The following MARCHF6 variants were observed in gnomAD, a reference collection of about 807,000 sequenced individuals.
MARCHF6 encodes membrane associated ring-CH-type finger 6.
Under a neutral mutation model 133.7 loss-of-function variants are expected in MARCHF6, and 31 were observed. The ratio of observed to expected loss-of-function variants is 0.23; its 90% CI spans 0.17 to 0.31. The LOEUF (loss-of-function observed/expected upper bound fraction) is 0.31, where lower values mean the gene tolerates loss of function less well. MARCHF6 is among the 10% of genes least tolerant of loss of function. MARCHF6 has a pLI of 1.00. For synonymous variants in MARCHF6, 395 were observed against 402.5 expected (o/e 0.98, Z 0.22); for missense variants, 723 against 1,121.6 (o/e 0.64, Z 5.08).
chr5:10,398,869 A>G (rs1281186586), intron 10 of MARCHF6, among the ~76,000 whole-genome samples: 1 of 152,320 alleles, frequency 6.6e-6, no homozygotes, highest in East Asian at 1.9e-4. Flanking sequence ...TCCATTAGGA[A>G]CATACTTTTT....
chr5:10,387,104 T>C (rs1400302898), intron 5 of MARCHF6, 38 bp downstream of exon 5: 2 of 1,429,768 alleles, frequency 1.4e-6, no homozygotes, highest in Non-Finnish European at 1.9e-6. Context: ...TTGCATGATG[T>C]AGATGATGCT....
chr5:10,390,629 C>A, intron 6 of MARCHF6, 129 bp downstream of exon 6: 5 of 902,304 alleles, frequency 5.5e-6, no homozygotes, highest in Non-Finnish European at 8.1e-6. Context: ...AGGAGGGCAG[C>A]GGAAAGGTTT....
At chr5:10,375,421 G>A (rs544021039) in intron 1 of MARCHF6, among the ~76,000 whole-genome samples, 8 of 152,352 alleles carry the variant, frequency 5.3e-5, no homozygotes, top group African/African-American at 1.2e-4. Flanking sequence ...CCTGCAGCCC[G>A]CCATGCCTGA....
At chr5:10,423,946 C>A in intron 23 of MARCHF6, 122 bp downstream of exon 23, 1 of 526,836 alleles carries the variant, frequency 1.9e-6, no homozygotes. Context: ...TTTTGATGGG[C>A]ATATATAACC....
intron 18 of MARCHF6, among the ~76,000 whole-genome samples, chr5:10,411,049 A>G (rs1053218713): frequency 3.3e-5 from 5 of 152,206 alleles, no homozygotes; most frequent in Middle Eastern, 3.4e-3. Context: ...TATCTTGTAC[A>G]TTGTACTTTT....
intron 11 of MARCHF6, chr5:10,401,338 C>G (rs1397576201): frequency 2.6e-5 from 4 of 154,260 alleles, no homozygotes; most frequent in African/African-American, 9.7e-5. Context: ...GGCCCTAGAA[C>G]AATTTAGTCT....
At chr5:10,377,952 A>G (rs1015957652) in intron 2 of MARCHF6, 58 bp downstream of exon 2, 13 of 914,750 alleles carry the variant, frequency 1.4e-5, no homozygotes, top group African/African-American at 3.3e-5. Flanking sequence ...TCATGTATAC[A>G]GTAACAGGGA....
intron 6 of MARCHF6, among the ~76,000 whole-genome samples, chr5:10,390,725 G>GT (rs1421546980): frequency 1.3e-5 from 2 of 152,204 alleles, no homozygotes; most frequent in African/African-American, 4.8e-5. Context: ...TGGGAACAGC[G>GT]TTGGGGGGTA....
intron 1 of MARCHF6, among the ~76,000 whole-genome samples, chr5:10,375,476 C>T (rs529681624): frequency 2.6e-5 from 4 of 152,266 alleles, no homozygotes; most frequent in South Asian, 2.1e-4. Flanking sequence ...CGAGCCTCCC[C>T]GACGAGCACC....
intron 1 of MARCHF6, among the ~76,000 whole-genome samples, chr5:10,362,725 C>T (rs1735901615): frequency 6.6e-6 from 1 of 152,126 alleles, no homozygotes; most frequent in African/African-American, 2.4e-5. Context: ...TGAATATTTT[C>T]AGATGTTTGT....
At chr5:10,411,922 A>T (rs895212252) in intron 19 of MARCHF6, among the ~76,000 whole-genome samples, 11 of 152,332 alleles carry the variant, frequency 7.2e-5, no homozygotes, top group African/African-American at 2.6e-4. Flanking sequence ...AACTGAAGGC[A>T]ATATTGGTTA....
At chr5:10,366,106 T>C (rs1292768472) in intron 1 of MARCHF6, among the ~76,000 whole-genome samples, 3 of 152,142 alleles carry the variant, frequency 2.0e-5, no homozygotes, top group African/African-American at 7.2e-5. Flanking sequence ...CTAGTTTTTG[T>C]ATTTTTAGTA....
intron 25 of MARCHF6, 61 bp from the exon 26 acceptor site, chr5:10,433,533 T>A: frequency 8.0e-7 from 1 of 1,257,842 alleles, no homozygotes; most frequent in Non-Finnish European, 1.2e-6. Context: ...TAAAAAGACA[T>A]ATGAATGTTT....
intron 23 of MARCHF6, among the ~76,000 whole-genome samples, chr5:10,425,501 G>T (rs1417176749): frequency 1.3e-5 from 2 of 152,218 alleles, no homozygotes; most frequent in African/African-American, 2.4e-5. Context: ...TAAGAAAAAT[G>T]GTTGGAAATG....
chr5:10,397,667 CTCT>C (rs1738274903), intron 10 of MARCHF6, among the ~76,000 whole-genome samples: 1 of 152,046 alleles, frequency 6.6e-6, no homozygotes, highest in African/African-American at 2.4e-5. Context: ...ATTGTGTGTG[CTCT>C]TCCCTATGGT....
intron 19 of MARCHF6, among the ~76,000 whole-genome samples, chr5:10,412,827 G>A (rs1579602735): frequency 6.6e-6 from 1 of 152,100 alleles, no homozygotes; most frequent in Non-Finnish European, 1.5e-5. Flanking sequence ...TGCCTGCCTC[G>A]GCCTCCCAAA....
At chr5:10,390,947 A>G (rs779071110) in intron 6 of MARCHF6, among the ~76,000 whole-genome samples, 6 of 152,184 alleles carry the variant, frequency 3.9e-5, no homozygotes, top group Admixed American at 2.0e-4. Context: ...ACCATTTTCT[A>G]TAATGCTTTG....
At position 10,377,822 on chromosome 5, in the gene MARCHF6, A is replaced by G; in HGVS notation, c.44A>G (p.Glu15Gly). The change falls in exon 2 of 26, where the codon GAA becomes GGA. Residue 15 changes from glutamate (E) to glycine (G), a missense_variant. By Grantham distance (98) the Glu-to-Gly change is moderately conservative (BLOSUM62 -2). Coordinates refer to ENST00000274140, the MANE Select transcript of MARCHF6 (RefSeq NM_005885.4). The stretch of plus-strand genomic sequence containing the variant: ...GACATATGTAGAGTGTGTCGGTCAG[A>G]AGGAACACCTGAGAAACCGCTTTAT... ...EEDICRVCRS[E>G]GTPEKPLYHP... 8 of 1,612,722 alleles carry G rather than the reference A, an allele frequency of 5.0e-6. No individual in the cohort carries two copies. Among genetic ancestry groups the G allele is most frequent in the Non-Finnish European group, 6.8e-6 (8 of 1,178,794 alleles).
At chr5:10,425,540 A>G (rs934972408) in intron 23 of MARCHF6, among the ~76,000 whole-genome samples, 1 of 152,252 alleles carries the variant, frequency 6.6e-6, no homozygotes. Flanking sequence ...GCCTTGCTTC[A>G]TTGATTAAAA....
Sources: gnomAD v4.1 joint callset for allele counts (sites outside exome capture counted in the v4.1 genomes callset) on GRCh38, gnomAD v4.1.1 for gene constraint, MANE v1.5 for transcripts, NCBI Gene and HGNC (gene_info 2026-07-23, HGNC 2026-07-21) for gene names.